The following PIGB variants were observed in gnomAD, a reference collection of about 807,000 sequenced individuals.
PIGB encodes GPI alpha-1,2-mannosyltransferase 3.
In PIGB, 58 loss-of-function variants were observed where a neutral mutation model predicts 68.4. The ratio of observed to expected loss-of-function variants is 0.85; its 90% CI spans 0.69 to 1.06. PIGB has a LOEUF of 1.06. Among genes scored for constraint, PIGB ranks in the 50% least tolerant of loss-of-function variants. PIGB has a pLI of 0.00. For synonymous variants in PIGB, 219 were observed against 220.5 expected (o/e 0.99, Z 0.06); for missense variants, 634 against 655.8 (o/e 0.97, Z 0.36).
chr15:55,330,979 A>C (rs147797466), intron 5 of PIGB, among the ~76,000 whole-genome samples: 11 of 152,356 alleles, frequency 7.2e-5, no homozygotes, highest in African/African-American at 2.2e-4. Context: ...AAAACTGTAG[A>C]ATATCTGAGC....
intron 9 of PIGB, among the ~76,000 whole-genome samples, chr15:55,347,733 G>C (rs781288000): frequency 1.2e-4 from 19 of 152,074 alleles, no homozygotes; most frequent in Non-Finnish European, 2.6e-4. Context: ...AAGTAATATG[G>C]AGATTCAGTT....
At chr15:55,344,792 T>A (rs2055751401) in intron 9 of PIGB, among the ~76,000 whole-genome samples, 1 of 152,116 alleles carries the variant, frequency 6.6e-6, no homozygotes, top group African/African-American at 2.4e-5. Context: ...CAGCACCCAC[T>A]ACTGATTCTG....
chr15:55,321,378 T>C lies in PIGB; in HGVS notation c.405T>C (p.Ser135=), dbSNP rs373064825. The part of the protein sequence containing the change: ...YKILHLLGKD[S]VQLLIWIPRL... ...TTCTTCATCTTTTAGGGAAAGATAG[T>C]GTTCAGTTGCTGGTAAGTTTAAATA... is the stretch of plus-strand genomic sequence containing the variant. The change falls in exon 3 of 12, where the codon AGT becomes AGC. Residue 135 remains serine, a synonymous_variant. Transcript: ENST00000164305. The C allele has an allele frequency of 8.1e-6, 13 of 1,596,108 alleles. No individual in the cohort carries two copies. The African/African-American group carries it at 1.6e-4, about 20-fold the overall frequency.
intron 3 of PIGB, among the ~76,000 whole-genome samples, chr15:55,325,550 C>T (rs768767139): frequency 6.6e-6 from 1 of 152,020 alleles, no homozygotes; most frequent in Non-Finnish European, 1.5e-5. Flanking sequence ...TTCAGTTTTA[C>T]ACTTAAATTT....
At chr15:55,327,846 C>T (rs1410611764) in intron 4 of PIGB, among the ~76,000 whole-genome samples, 2 of 152,144 alleles carry the variant, frequency 1.3e-5, no homozygotes, top group Admixed American at 6.5e-5. Flanking sequence ...CCACTGATGC[C>T]CTCAAACCCT....
intron 9 of PIGB, among the ~76,000 whole-genome samples, chr15:55,349,266 T>G (rs552159404): frequency 6.6e-6 from 1 of 152,220 alleles, no homozygotes; most frequent in South Asian, 2.1e-4. Flanking sequence ...CACTGTCCCC[T>G]CAAACTCATG....
intron 9 of PIGB, among the ~76,000 whole-genome samples, chr15:55,348,810 T>G (rs966396035): frequency 3.9e-5 from 6 of 152,226 alleles, no homozygotes; most frequent in Non-Finnish European, 8.8e-5. Flanking sequence ...AAGGCTTTAA[T>G]GTAGCTTTTT....
At chr15:55,319,446 A>G (rs2141154981) in intron 1 of PIGB, 33 bp downstream of exon 1, 1 of 1,519,292 alleles carries the variant, frequency 6.6e-7, no homozygotes, top group Non-Finnish European at 8.9e-7. Context: ...GAGAGCTCCT[A>G]CCCCCATCTA....
Position 55,340,720 on chromosome 15 carries a change from A to C in PIGB, c.955A>C (p.Ile319Leu). Residue 319 changes from isoleucine (I) to leucine (L), a missense_variant, in exon 8 of 12, where the codon ATC becomes CTC. Coordinates refer to ENST00000164305, the MANE Select transcript of PIGB (RefSeq NM_004855.5). Reference sequence around the variant, plus strand: ...GTACTTCAGTCAAGGATTTCCAGTTATCTTGGGTACTCACTTACCCTTCTT... The same window carrying C: ...GTACTTCAGTCAAGGATTTCCAGTTCTCTTGGGTACTCACTTACCCTTCTT... ...HWYFSQGFPV[I>L]LGTHLPFFIH... 1 of 1,611,672 alleles carries C rather than the reference A, an allele frequency of 6.2e-7. No homozygotes were observed. Among genetic ancestry groups the C allele is most frequent in the Non-Finnish European group, 8.5e-7 (1 of 1,178,670 alleles).
chr15:55,333,024 C>A (rs1249652480), intron 5 of PIGB, among the ~76,000 whole-genome samples: 2 of 152,114 alleles, frequency 1.3e-5, no homozygotes, highest in Admixed American at 1.3e-4. Flanking sequence ...TTTAAATGCT[C>A]ATGCTTTTTC....
rs2055904444 is a variant in PIGB, at chr15:55,350,791, G to A, written c.1216G>A (p.Val406Ile). The A allele has an allele frequency of 1.2e-6, 2 of 1,612,090 alleles. No individual in the cohort carries two copies. The highest frequency in any genetic ancestry group is 1.7e-6 in the Non-Finnish European group (2 of 1,178,372). ...NLFLALYTGL[V>I]HQRGTLDVMS... is the part of the protein sequence containing the mutation. Reference sequence around the variant, plus strand: ...GTTCCTCGCCCTTTATACTGGTTTAGTTCATCAACGAGGTACTCTTGATGT... The same window carrying A: ...GTTCCTCGCCCTTTATACTGGTTTAATTCATCAACGAGGTACTCTTGATGT... Residue 406 changes from valine to isoleucine, a missense_variant, in exon 10 of 12, where the codon GTT becomes ATT. Physicochemically the swap from Val to Ile is conservative, Grantham distance 29 (BLOSUM62 3). Coordinates refer to ENST00000164305, the MANE Select transcript of PIGB (RefSeq NM_004855.5).
intron 5 of PIGB, 66 bp from the exon 6 acceptor site, chr15:55,333,801 A>G (rs1255092851): frequency 3.9e-5 from 45 of 1,141,870 alleles, no homozygotes; most frequent in Non-Finnish European, 5.5e-5. Context: ...GTCAAATCAC[A>G]GTGTAAATGA....
At chr15:55,322,409 A>G (rs73415542) in intron 3 of PIGB, among the ~76,000 whole-genome samples, 9,881 of 152,230 alleles carry the variant, frequency 0.065, 469 homozygotes, top group African/African-American at 0.13. Context: ...TGTAATTCCT[A>G]GGCTATTAAT....
chr15:55,328,401 T>C (rs1230244869), intron 4 of PIGB, among the ~76,000 whole-genome samples: 1 of 152,230 alleles, frequency 6.6e-6, no homozygotes, highest in Non-Finnish European at 1.5e-5. Flanking sequence ...ATATTGTTTC[T>C]ATTGGAAAAT....
In PIGB at chr15:55,350,789, T is replaced by C. The variant is rs1483314365; in HGVS notation, c.1214T>C (p.Leu405Ser). 1 of 1,612,682 alleles carries C rather than the reference T, an allele frequency of 6.2e-7. No homozygotes were observed. The highest frequency in any genetic ancestry group is 2.2e-5 in the East Asian group (1 of 44,792). Residue 405 changes from leucine (L) to serine (S), a missense_variant, in exon 10 of 12, where the codon TTA becomes TCA. Transcript: ENST00000164305. ...TTGTTCCTCGCCCTTTATACTGGTT[T>C]AGTTCATCAACGAGGTACTCTTGAT... is the stretch of plus-strand genomic sequence containing the variant. The part of the protein sequence containing the change: ...SNLFLALYTG[L>S]VHQRGTLDVM...
intron 10 of PIGB, among the ~76,000 whole-genome samples, chr15:55,353,221 T>C (rs771762650): frequency 2.0e-5 from 3 of 152,186 alleles, no homozygotes; most frequent in Non-Finnish European, 2.9e-5. Flanking sequence ...CTGATGCCTA[T>C]TTTGCATCAG....
chr15:55,320,267 T>A lies in PIGB; in HGVS notation c.164-8T>A. 6.2e-7 allele frequency: 1 copy of A among 1,610,514 alleles called. No homozygotes were observed. ...TGCCACTATTACCTGTTTTGTTCTG[T>A]TTTTCAGATCTTCTTGGAGAAAATA... On this transcript the variant is annotated splice_region_variant and splice_polypyrimidine_tract_variant and intron_variant, in intron 1 of 11. Transcript: ENST00000164305.
intron 2 of PIGB, among the ~76,000 whole-genome samples, chr15:55,320,893 A>G (rs1171901077): frequency 2.0e-5 from 3 of 152,170 alleles, no homozygotes; most frequent in Non-Finnish European, 4.4e-5. Context: ...TTTCTCCTGT[A>G]TCTTTCTTTT....
chr15:55,323,137 T>C (rs2055204306), intron 3 of PIGB, among the ~76,000 whole-genome samples: 2 of 152,196 alleles, frequency 1.3e-5, no homozygotes, highest in African/African-American at 4.8e-5. Context: ...TAGGATATGA[T>C]CAGTCATTCA....
Sources: allele counts gnomAD v4.1 joint callset (sites outside exome capture counted in the v4.1 genomes callset), GRCh38; gene constraint gnomAD v4.1.1; transcripts MANE v1.5; gene names NCBI Gene and HGNC (gene_info 2026-07-23, HGNC 2026-07-21).